Variants in FHIT observed in about 807,000 individuals in gnomAD.
FHIT encodes the protein bis(5'-adenosyl)-triphosphatase.
Under a neutral mutation model 17.9 loss-of-function variants are expected in FHIT, and 19 were observed. That is an observed-to-expected ratio of 1.06 (90% CI 0.74 to 1.56). The LOEUF (loss-of-function observed/expected upper bound fraction) is 1.56. Among genes scored for constraint, FHIT ranks in the 40% most tolerant of loss-of-function variants. The probability of loss-of-function intolerance (pLI) is 0.00; values close to 1 mark genes in which losing one functional copy is unlikely to be tolerated. For synonymous variants in FHIT, 81 were observed against 69.7 expected (o/e 1.16, Z -0.81); for missense variants, 248 against 189.2 (o/e 1.31, Z -1.82).
In FHIT at chr3:61,210,537, T is replaced by A. The variant is rs181555580; in HGVS notation, c.-212-9872A>T. On this transcript the variant is annotated intron_variant, in intron 1 of 9. Transcript: ENST00000492590. ...CCCCTCCCCCAGCCTCGCTGCCGCCTTGCAGTTTGATCTCAGACTGCTGTG... is the reference window on the plus strand; with the variant it reads ...CCCCTCCCCCAGCCTCGCTGCCGCCATGCAGTTTGATCTCAGACTGCTGTG... Among the ~76,000 whole-genome samples, 1,322 of 152,342 alleles carry A rather than the reference T, an allele frequency of 8.7e-3. 15 individuals are homozygous for A. The highest frequency in any genetic ancestry group is 0.029 in the African/African-American group (1,219 of 41,570).
At chr3:60,922,518 G>C (rs1707337564) in intron 3 of FHIT, among the ~76,000 whole-genome samples, 1 of 152,182 alleles carries the variant, frequency 6.6e-6, no homozygotes, top group South Asian at 2.1e-4. Context: ...CCCACCTTCA[G>C]GAGAAAGAAA....
rs370257840 is a variant in FHIT, at chr3:59,790,507, T to C, written c.349-38186A>G. Among the ~76,000 whole-genome samples, 979 of 145,518 alleles carry C rather than the reference T, an allele frequency of 6.7e-3. 15 individuals carry two copies. Among genetic ancestry groups the C allele is most frequent in the African/African-American group, 0.024 (936 of 38,700 alleles). On this transcript the variant is annotated intron_variant, in intron 8 of 9. Transcript: ENST00000492590. Reference sequence around the variant, plus strand: ...TTCATTGCTTCTCTCTCTCTCTCTTTCTCTCTCTCTCTCTCTCTCTCTGTG... The same window carrying C: ...TTCATTGCTTCTCTCTCTCTCTCTTCCTCTCTCTCTCTCTCTCTCTCTGTG...
intron 5 of FHIT, among the ~76,000 whole-genome samples, chr3:60,463,020 A>C (rs569329269): frequency 3.3e-5 from 5 of 152,248 alleles, no homozygotes; most frequent in Admixed American, 1.3e-4. Context: ...TCTACCCAAC[A>C]TTCACCACCT....
At chr3:61,106,086 G>A (rs896279790) in intron 2 of FHIT, among the ~76,000 whole-genome samples, 1 of 152,158 alleles carries the variant, frequency 6.6e-6, no homozygotes, top group African/African-American at 2.4e-5. Context: ...AAGTCACTGA[G>A]AGCCTGAATT....
intron 5 of FHIT, among the ~76,000 whole-genome samples, chr3:60,021,626 TA>T (rs1700556124): frequency 6.6e-6 from 1 of 152,192 alleles, no homozygotes; most frequent in Non-Finnish European, 1.5e-5. Context: ...TGATAATCAA[TA>T]ACCCTTTGAG....
At chr3:60,669,292 A>G (rs782211199) in intron 4 of FHIT, among the ~76,000 whole-genome samples, 2 of 152,224 alleles carry the variant, frequency 1.3e-5, no homozygotes, top group Non-Finnish European at 2.9e-5. Context: ...TAGGAGTAAC[A>G]GGGAGAAACT....
In FHIT at chr3:60,205,237, C is replaced by T. The variant is rs1052727537; in HGVS notation, c.104-191085G>A. On this transcript the variant is annotated intron_variant, in intron 5 of 9. Transcript: ENST00000492590. ...TAATGAATTAGATTTATACAGTAGC[C>T]TTGAAGGGATTTCCTCAAAGAATTA... Among the ~76,000 whole-genome samples the T allele has an allele frequency of 2.0e-5, 3 of 152,078 alleles. No individual in the cohort carries two copies. The South Asian group carries it at 6.2e-4, about 31-fold the overall frequency.
chr3:60,876,069 A>C (rs1553756444), intron 3 of FHIT, among the ~76,000 whole-genome samples: 2 of 152,096 alleles, frequency 1.3e-5, no homozygotes, highest in Non-Finnish European at 2.9e-5. Flanking sequence ...TTTTGACTTC[A>C]TAACTTTACA....
intron 7 of FHIT, among the ~76,000 whole-genome samples, chr3:59,989,805 C>A (rs1327858810): frequency 6.6e-6 from 1 of 151,866 alleles, no homozygotes; most frequent in South Asian, 2.1e-4. Context: ...GTTCATCTGC[C>A]CAGATTCCAT....
intron 4 of FHIT, among the ~76,000 whole-genome samples, chr3:60,569,738 T>TATATATATATAC (rs377553617): frequency 4.9e-5 from 3 of 61,784 alleles, no homozygotes; most frequent in Admixed American, 1.8e-4. Flanking sequence ...TATATATATA[T>TATATATATATAC]ATATATATAT....
At chr3:59,887,136 C>A (rs534763123) in intron 8 of FHIT, among the ~76,000 whole-genome samples, 2 of 152,278 alleles carry the variant, frequency 1.3e-5, no homozygotes, top group Admixed American at 1.3e-4. Flanking sequence ...AGATAATAAG[C>A]CAAAGACCCA....
intron 8 of FHIT, among the ~76,000 whole-genome samples, chr3:59,776,593 C>T (rs1401679025): frequency 6.6e-6 from 1 of 152,224 alleles, no homozygotes; most frequent in African/African-American, 2.4e-5. Flanking sequence ...AACCATGTGC[C>T]CCCTGATGAC....
rs1278729920 is a variant in FHIT at position 60,285,951 on chromosome 3, T to G, written c.103+250909A>C. ...ACTCTTATAACTCACGGCTAGCCAC[T>G]CCACGTGATTTGGCTTCTCTCACAG... On this transcript the variant is annotated intron_variant, in intron 5 of 9. Transcript: ENST00000492590. Among the ~76,000 whole-genome samples, 4 of 152,180 alleles carry G rather than the reference T, an allele frequency of 2.6e-5. No individual in the cohort carries two copies. In the East Asian group the frequency reaches 5.8e-4, roughly 22 times the overall value.
intron 5 of FHIT, among the ~76,000 whole-genome samples, chr3:60,530,087 C>A (rs1254042024): frequency 6.6e-6 from 1 of 152,192 alleles, no homozygotes; most frequent in African/African-American, 2.4e-5. Flanking sequence ...CCATCCCATG[C>A]ACAGCACGGT....
intron 7 of FHIT, among the ~76,000 whole-genome samples, chr3:59,984,696 G>C (rs1007679181): frequency 2.0e-5 from 3 of 152,058 alleles, no homozygotes; most frequent in Admixed American, 2.0e-4. Flanking sequence ...TTATGAAAAT[G>C]TGCCTTCATT....
chr3:59,967,024 T>C (rs1043502395), intron 7 of FHIT, among the ~76,000 whole-genome samples: 1 of 152,082 alleles, frequency 6.6e-6, no homozygotes, highest in African/African-American at 2.4e-5. Flanking sequence ...AACCTTTTAT[T>C]TTTTACTTTT....
chr3:60,944,540 A>G (rs1708560210), intron 3 of FHIT, among the ~76,000 whole-genome samples: 1 of 152,236 alleles, frequency 6.6e-6, no homozygotes, highest in Non-Finnish European at 1.5e-5. Context: ...TCATGGAATA[A>G]GACTTTAATT....
At position 60,187,453 on chromosome 3, in the gene FHIT, G is replaced by A. The variant is rs547720300; in HGVS notation, c.104-173301C>T. On this transcript the variant is annotated intron_variant, in intron 5 of 9. Coordinates refer to ENST00000492590, the MANE Select transcript of FHIT (RefSeq NM_002012.4). ...GGATTGTTCCATTGCTGGTGCCCTC[G>A]GAAGCCTTCACGGGTTTCCTGTGAA... Among the ~76,000 whole-genome samples, 12 of 152,230 alleles carry A rather than the reference G, an allele frequency of 7.9e-5. No homozygotes were observed. The East Asian group carries it at 1.9e-3, about 25-fold the overall frequency.
chr3:60,254,322 C>T (rs1705873058), intron 5 of FHIT, among the ~76,000 whole-genome samples: 1 of 152,062 alleles, frequency 6.6e-6, no homozygotes, highest in Non-Finnish European at 1.5e-5. Context: ...AGCAAAGACC[C>T]TAATAACTCC....
Sources: allele counts gnomAD v4.1 joint callset (sites outside exome capture counted in the v4.1 genomes callset), GRCh38; gene constraint gnomAD v4.1.1; transcripts MANE v1.5; gene names NCBI Gene and HGNC (gene_info 2026-07-23, HGNC 2026-07-21).